The following STK32C variants were observed in gnomAD, a reference collection of about 807,000 sequenced individuals.
STK32C encodes the protein serine/threonine-protein kinase 32C.
Under a neutral mutation model 56.5 loss-of-function variants are expected in STK32C, and 31 were observed. That is an observed-to-expected ratio of 0.55 (90% CI 0.41 to 0.74). STK32C has a LOEUF of 0.74. Ranked by LOEUF, STK32C falls within the 30% of genes least tolerant of loss-of-function variation. The pLI is 0.00. For synonymous variants in STK32C, 309 were observed against 289.4 expected, an observed-to-expected ratio of 1.07 and a Z score of -0.69; for missense variants, 544 against 676.9, an observed-to-expected ratio of 0.80 and a Z score of 2.18.
intron 10 of STK32C, among the ~76,000 whole-genome samples, chr10:132,221,252 G>A (rs552629186): frequency 1.1e-3 from 163 of 147,318 alleles, no homozygotes; most frequent in African/African-American, 3.8e-3. Flanking sequence ...AGGGCTTCAC[G>A]TGGCCATCCC....
chr10:132,270,940 G>T (rs1199294869), intron 1 of STK32C, among the ~76,000 whole-genome samples: 1 of 151,896 alleles, frequency 6.6e-6, no homozygotes, highest in South Asian at 2.1e-4. Flanking sequence ...CAGCCAATAA[G>T]GGTAGGGCAA....
chr10:132,250,532 C>T (rs547537139), intron 1 of STK32C, among the ~76,000 whole-genome samples: 56 of 116,780 alleles, frequency 4.8e-4, no homozygotes, highest in African/African-American at 1.6e-3. Flanking sequence ...GTGAGGCGCA[C>T]GGGACAGGTC....
chr10:132,247,045 C>T (rs1031356707), intron 1 of STK32C, among the ~76,000 whole-genome samples: 16 of 152,174 alleles, frequency 1.1e-4, no homozygotes, highest in African/African-American at 3.6e-4. Flanking sequence ...CTGGGGAATT[C>T]GACAGCTGGA....
intron 1 of STK32C, among the ~76,000 whole-genome samples, chr10:132,253,592 C>CT (rs2063999208): frequency 8.2e-6 from 1 of 122,368 alleles, no homozygotes; most frequent in Non-Finnish European, 1.8e-5. Flanking sequence ...CTGGAGGGAG[C>CT]CGAGGGAGCT....
In STK32C at chr10:132,252,450, G is replaced by A. The variant is rs373459504; in HGVS notation, c.263-6495C>T. ...TGTCACGCTCCTCGGCGTGATTTAC[G>A]CCGTGCAGTGATGCTGTCAGCGCAT... On this transcript the variant is annotated intron_variant, in intron 1 of 11. Transcript: ENST00000298630. 1.5e-3 allele frequency among the ~76,000 whole-genome samples: 235 copies of A among 152,390 alleles called. 3 individuals are homozygous for A. In the South Asian group the frequency reaches 0.045, roughly 29 times the overall value.
rs1343939021 is a variant in STK32C, at chr10:132,297,544, C to A, written c.262+10028G>T. ...TCCCCTTTTCCTTTGTATCTTTCTT[C>A]CTATTTCATCTTTTTCCCTCTTTCA... On this transcript the variant is annotated intron_variant, in intron 1 of 11. Coordinates refer to ENST00000298630, the MANE Select transcript of STK32C (RefSeq NM_173575.4). 1.3e-5 allele frequency among the ~76,000 whole-genome samples: 2 copies of A among 152,226 alleles called. 1 individual carries two copies. Among genetic ancestry groups the A allele is most frequent in the Middle Eastern group, 6.3e-3 (2 of 316 alleles).
intron 2 of STK32C, among the ~76,000 whole-genome samples, chr10:132,240,956 A>T (rs1382152919): frequency 6.6e-6 from 1 of 152,124 alleles, no homozygotes; most frequent in Non-Finnish European, 1.5e-5. Flanking sequence ...AGCTGTGCCC[A>T]TCAGACACCG....
At chr10:132,323,125 AAAT>A (rs1281106303), downstream of STK32C, among the ~76,000 whole-genome samples, 1 of 152,038 alleles carries the variant, frequency 6.6e-6, no homozygotes, top group Admixed American at 6.6e-5. The surrounding 1 kb of genome is among the most constrained non-coding windows in gnomAD (Gnocchi z 4.8). Context: ...GTCCTTACTG[AAAT>A]AATGACGTTT....
intron 10 of STK32C, among the ~76,000 whole-genome samples, chr10:132,213,080 T>A (rs565018646): frequency 6.6e-6 from 1 of 152,352 alleles, no homozygotes; most frequent in South Asian, 2.1e-4. Context: ...AAGCCAAGGA[T>A]GATCCCTTCC....
At chr10:132,305,558 G>C (rs969819603) in intron 1 of STK32C, among the ~76,000 whole-genome samples, 1 of 152,196 alleles carries the variant, frequency 6.6e-6, no homozygotes, top group Non-Finnish European at 1.5e-5. Flanking sequence ...ACGGGGCCAC[G>C]AAAGTACCAG....
chr10:132,213,530 A>G (rs2062380380), intron 10 of STK32C, among the ~76,000 whole-genome samples: 1 of 152,246 alleles, frequency 6.6e-6, no homozygotes, highest in South Asian at 2.1e-4. Context: ...ACCTGGCCAG[A>G]TTACATAAAC....
intron 1 of STK32C, among the ~76,000 whole-genome samples, chr10:132,289,813 C>T (rs1176672812): frequency 6.6e-6 from 1 of 152,168 alleles, no homozygotes; most frequent in African/African-American, 2.4e-5. Flanking sequence ...GCCCTAGGTC[C>T]TAATACTGTC....
intron 2 of STK32C, among the ~76,000 whole-genome samples, chr10:132,233,834 T>C (rs1046254616): frequency 1.3e-5 from 2 of 152,246 alleles, no homozygotes; most frequent in Non-Finnish European, 2.9e-5. Context: ...GCCGTGGGGC[T>C]AAGGCACACA....
At chr10:132,249,227 G>A in intron 1 of STK32C, 3 of 361,730 alleles carry the variant, frequency 8.3e-6, no homozygotes, top group South Asian at 6.0e-5. Context: ...AGTGCTGGGA[G>A]TGGGGCTGAG....
intron 4 of STK32C, 122 bp from the exon 5 acceptor site, chr10:132,225,906 G>C: frequency 7.6e-7 from 1 of 1,314,200 alleles, no homozygotes; most frequent in South Asian, 1.3e-5. Context: ...CAGAGGCCTG[G>C]GAGCTTGACT....
At chr10:132,220,964 C>T (rs1446830293) in intron 10 of STK32C, among the ~76,000 whole-genome samples, 2 of 152,378 alleles carry the variant, frequency 1.3e-5, no homozygotes, top group South Asian at 2.1e-4. Context: ...AGGGGAGCTG[C>T]AGGAGACAGA....
At chr10:132,326,096 A>G (rs1335113532) in intron 1 of STK32C, among the ~76,000 whole-genome samples, 1 of 152,194 alleles carries the variant, frequency 6.6e-6, no homozygotes, top group Non-Finnish European at 1.5e-5. Flanking sequence ...CTAGACTATC[A>G]GTTCATCTCT....
At chr10:132,238,706 G>C (rs534671133) in intron 2 of STK32C, among the ~76,000 whole-genome samples, 6 of 152,226 alleles carry the variant, frequency 3.9e-5, no homozygotes, top group African/African-American at 1.4e-4. Context: ...GCCCAGGAGG[G>C]GCAGTCTCTC....
chr10:132,283,891 C>T (rs747404511), intron 1 of STK32C, among the ~76,000 whole-genome samples: 12 of 152,158 alleles, frequency 7.9e-5, no homozygotes, highest in Non-Finnish European at 1.5e-4. Context: ...AGTCCAGCCC[C>T]GCCCCATCCA....
Sources: allele counts gnomAD v4.1 joint callset (sites outside exome capture counted in the v4.1 genomes callset), GRCh38; gene constraint gnomAD v4.1.1; non-coding constraint Gnocchi (gnomAD v3.1); transcripts MANE v1.5; gene names NCBI Gene and HGNC (gene_info 2026-07-23, HGNC 2026-07-21).